Variants in TMEM117 observed in about 807,000 individuals in gnomAD.
The protein encoded by TMEM117 is transmembrane protein 117.
In TMEM117, 27 loss-of-function variants were observed where a neutral mutation model predicts 52.4. That is an observed-to-expected ratio of 0.51 (90% CI 0.38 to 0.71). The LOEUF (loss-of-function observed/expected upper bound fraction) is 0.71, where lower values mean the gene tolerates loss of function less well. Ranked by LOEUF, TMEM117 falls within the 30% of genes least tolerant of loss-of-function variation. TMEM117 has a pLI of 0.00. For missense variants in TMEM117, 556 were observed against 630.5 expected, an observed-to-expected ratio of 0.88 and a Z score of 1.26; for synonymous variants, 215 against 206.3, an observed-to-expected ratio of 1.04 and a Z score of -0.36.
At chr12:44,044,197 T>C (rs1050109533) in intron 3 of TMEM117, among the ~76,000 whole-genome samples, 1 of 152,220 alleles carries the variant, frequency 6.6e-6, no homozygotes, top group Admixed American at 6.5e-5. Context: ...AAGAGCCCTG[T>C]AATTGCTCTT....
intron 3 of TMEM117, among the ~76,000 whole-genome samples, chr12:44,140,084 A>G (rs1229993092): frequency 1.3e-5 from 2 of 152,160 alleles, no homozygotes; most frequent in East Asian, 3.8e-4. Flanking sequence ...TAGTTATTTC[A>G]TAAGTTGTCA....
chr12:44,143,129 A>G (rs760217919), intron 3 of TMEM117, among the ~76,000 whole-genome samples: 3 of 152,138 alleles, frequency 2.0e-5, no homozygotes, highest in Non-Finnish European at 4.4e-5. Context: ...TTTTGATTTG[A>G]TGGAACTGAA....
intron 2 of TMEM117, among the ~76,000 whole-genome samples, chr12:43,855,730 C>G (rs1943389069): frequency 6.6e-6 from 1 of 152,146 alleles, no homozygotes; most frequent in African/African-American, 2.4e-5. Flanking sequence ...TACCAAGTAA[C>G]TCAACAATAT....
chr12:43,808,931 A>G, the TMEM117 span, among the ~76,000 whole-genome samples: 1 of 152,174 alleles, frequency 6.6e-6, no homozygotes, highest in Non-Finnish European at 1.5e-5. Context: ...GTGATGTCGG[A>G]AACTGGGATT....
At chr12:44,007,722 G>A (rs750146867) in intron 3 of TMEM117, among the ~76,000 whole-genome samples, 17 of 152,192 alleles carry the variant, frequency 1.1e-4, no homozygotes, top group Admixed American at 2.6e-4. Context: ...TTGAATCATG[G>A]GGGCTAGTAT....
At chr12:44,121,623 T>C (rs907749825) in intron 3 of TMEM117, among the ~76,000 whole-genome samples, 3 of 152,208 alleles carry the variant, frequency 2.0e-5, no homozygotes, top group African/African-American at 4.8e-5. Flanking sequence ...ATTTATGTTA[T>C]CGGTTTGGCT....
intron 4 of TMEM117, among the ~76,000 whole-genome samples, chr12:44,173,438 TTG>T (rs1949076486): frequency 6.6e-6 from 1 of 152,066 alleles, no homozygotes; most frequent in African/African-American, 2.4e-5. Flanking sequence ...TAAAGTAAAA[TTG>T]TGTTTTCAAT....
At chr12:44,128,137 C>G (rs554739736) in intron 3 of TMEM117, among the ~76,000 whole-genome samples, 1 of 152,342 alleles carries the variant, frequency 6.6e-6, no homozygotes, top group African/African-American at 2.4e-5. Flanking sequence ...CTCTGCCTCT[C>G]CAGCCTGCCT....
intron 6 of TMEM117, among the ~76,000 whole-genome samples, chr12:44,311,869 ATATATATG>A (rs1223933186): frequency 4.3e-5 from 3 of 70,238 alleles, no homozygotes; most frequent in African/African-American, 6.2e-5. Context: ...ATATATATGT[ATATATATG>A]TATATATGTA....
At chr12:44,294,326 C>G (rs1353729910) in intron 5 of TMEM117, among the ~76,000 whole-genome samples, 1 of 152,198 alleles carries the variant, frequency 6.6e-6, no homozygotes, top group Non-Finnish European at 1.5e-5. Context: ...ATGCCTGAAA[C>G]TGTGGATAGT....
rs76051211 is a variant in TMEM117, at chr12:43,838,520, T to C, written c.-29+2324T>C. ...TGTATTATCCAGACTCTACTCTCTC[T>C]GGAATGGAGTCTTCCAGTTTTTTTT... On this transcript the variant is annotated intron_variant, in intron 1 of 7. Transcript: ENST00000266534. Among the ~76,000 whole-genome samples, 1,093 of 149,418 alleles carry C rather than the reference T, an allele frequency of 7.3e-3. 5 individuals carry two copies. Among genetic ancestry groups the C allele is most frequent in the Middle Eastern group, 0.014 (4 of 294 alleles).
intron 4 of TMEM117, among the ~76,000 whole-genome samples, chr12:44,185,067 C>G (rs1178798202): frequency 3.3e-5 from 5 of 152,160 alleles, no homozygotes; most frequent in African/African-American, 4.8e-5. Flanking sequence ...TTTAGGTGCT[C>G]TTACTCTGCA....
intron 3 of TMEM117, among the ~76,000 whole-genome samples, chr12:44,013,994 C>T (rs189100785): frequency 6.6e-6 from 1 of 152,226 alleles, no homozygotes; most frequent in Admixed American, 6.5e-5. Context: ...GGTTTGAAAC[C>T]TAACAAACTT....
intron 2 of TMEM117, among the ~76,000 whole-genome samples, chr12:43,857,498 G>GGT (rs71091179): frequency 0.68 from 103,131 of 151,794 alleles, 40,177 homozygotes; most frequent in East Asian, 0.87. Context: ...TCATATACAT[G>GGT]GTGCAGAGGG....
the TMEM117 span, among the ~76,000 whole-genome samples, chr12:43,815,549 AC>A: frequency 1.3e-5 from 2 of 152,230 alleles, no homozygotes; most frequent in Admixed American, 1.3e-4. Context: ...GCGATAAAAT[AC>A]CAGGAAACAG....
chr12:43,978,786 G>T (rs1202293491), intron 3 of TMEM117, among the ~76,000 whole-genome samples: 1 of 152,070 alleles, frequency 6.6e-6, no homozygotes, highest in African/African-American at 2.4e-5. Context: ...TCTGTGGCCT[G>T]TATAGATGAG....
At chr12:43,941,892 G>C (rs1225493570) in intron 2 of TMEM117, among the ~76,000 whole-genome samples, 2 of 152,122 alleles carry the variant, frequency 1.3e-5, no homozygotes. Context: ...TGTACAGTTA[G>C]TCCACAATGT....
chr12:44,227,972 G>T (rs886638184), intron 5 of TMEM117, among the ~76,000 whole-genome samples: 7 of 145,588 alleles, frequency 4.8e-5, no homozygotes, highest in Non-Finnish European at 1.1e-4. Context: ...GTGAGATCCA[G>T]AAAGTTTAAT....
chr12:44,274,837 C>A (rs1950493057), intron 5 of TMEM117, among the ~76,000 whole-genome samples: 2 of 152,006 alleles, frequency 1.3e-5, no homozygotes, highest in East Asian at 1.9e-4. Context: ...AAGACTTCAG[C>A]CTATGATACT....
Sources: gnomAD v4.1 joint callset for allele counts (sites outside exome capture counted in the v4.1 genomes callset) on GRCh38, gnomAD v4.1.1 for gene constraint, MANE v1.5 for transcripts, NCBI Gene and HGNC (gene_info 2026-07-23, HGNC 2026-07-21) for gene names.